Variants in GGA3 observed in about 807,000 individuals in gnomAD.
The protein encoded by GGA3 is golgi associated, gamma adaptin ear containing, ARF binding protein 3, also known as ADP-ribosylation factor-binding protein GGA3.
In GGA3, 57 loss-of-function variants were observed where a neutral mutation model predicts 77.5. That is an observed-to-expected ratio of 0.74 (90% confidence interval 0.59 to 0.92). The LOEUF (loss-of-function observed/expected upper bound fraction) is 0.92, where lower values mean the gene tolerates loss of function less well. Ranked by LOEUF, GGA3 falls within the 40% of genes least tolerant of loss-of-function variation. The probability of loss-of-function intolerance (pLI) is 0.00; values close to 1 mark genes in which losing one functional copy is unlikely to be tolerated. For synonymous variants in GGA3, 416 were observed against 383.7 expected (o/e 1.08, Z -0.98); for missense variants, 970 against 914.9 (o/e 1.06, Z -0.78).
chr17:75,244,712 C>T lies in GGA3; in HGVS notation c.207G>A (p.Leu69=), dbSNP rs1358520897. The change falls in exon 4 of 17, where the codon CTG becomes CTA. Residue 69 remains leucine (L), a synonymous_variant. Coordinates refer to ENST00000537686, the MANE Select transcript of GGA3 (RefSeq NM_138619.4). ...TCCCACAGTTCTTCATGCATGCCTC[C>T]AGCACCTGTAGCCGCACAGAGGAGA... is the stretch of plus-strand genomic sequence containing the variant. ...EWEALQALTV[L]EACMKNCGRR... 1.9e-6 allele frequency: 3 copies of T among 1,612,148 alleles called. No homozygotes were observed. Among genetic ancestry groups the T allele is most frequent in the Non-Finnish European group, 1.7e-6 (2 of 1,178,326 alleles).
chr17:75,261,579 C>T lies in GGA3; in HGVS notation c.9G>A (p.Glu3=), dbSNP rs768296895. Residue 3 remains glutamate (E), a synonymous_variant, in exon 1 of 17, where the codon GAG becomes GAA. Coordinates refer to ENST00000537686, the MANE Select transcript of GGA3 (RefSeq NM_138619.4). ...AGGACTCCAGGCTTTCCCCTTCCGCCTCCGCCATATTGCAGCCGCCCGGCC... is the reference window on the plus strand; with the variant it reads ...AGGACTCCAGGCTTTCCCCTTCCGCTTCCGCCATATTGCAGCCGCCCGGCC... MA[E]AEGESLESWL... 1 of 1,554,594 alleles carries T rather than the reference C, an allele frequency of 6.4e-7. No individual in the cohort carries two copies. The highest frequency in any genetic ancestry group is 8.7e-7 in the Non-Finnish European group (1 of 1,152,972).
intron 4 of GGA3, among the ~76,000 whole-genome samples, chr17:75,243,819 C>A (rs1314796003): frequency 6.6e-6 from 1 of 152,050 alleles, no homozygotes; most frequent in East Asian, 1.9e-4. Flanking sequence ...CAGGAAGTGT[C>A]CTGTAAGTGT....
Position 75,241,808 on chromosome 17 carries a change from A to G in GGA3, c.748-112T>C, listed in dbSNP as rs2076569850. ...CGGGATATGCCAATTGCCACGGTCA[A>G]TTACCAGCAAAGCTGGGATCACAGC... is the stretch of plus-strand genomic sequence containing the variant. On this transcript the variant is annotated intron_variant, in intron 8 of 16. Transcript: ENST00000537686. The G allele has an allele frequency of 7.9e-6, 7 of 885,562 alleles. No homozygotes were observed. The Admixed American group carries it at 9.0e-5, about 11-fold the overall frequency. The allele number at this position is 885,562 out of a possible 1,614,324, so 54.9% of individuals were successfully genotyped here.
chr17:75,257,549 C>T (rs1477756601), intron 1 of GGA3, among the ~76,000 whole-genome samples: 1 of 152,180 alleles, frequency 6.6e-6, no homozygotes, highest in Admixed American at 6.5e-5. Context: ...CCTCCCAATT[C>T]TTAGACCTTT....
intron 1 of GGA3, among the ~76,000 whole-genome samples, chr17:75,254,501 G>A (rs867215265): frequency 2.0e-5 from 3 of 152,150 alleles, no homozygotes; most frequent in South Asian, 2.1e-4. Flanking sequence ...TTCATGGCTC[G>A]TTCGGCAGCA....
rs1021504858 is a variant in GGA3 at position 75,243,440 on chromosome 17, C to T, written c.424+7G>A. On this transcript the variant is annotated splice_region_variant and intron_variant, in intron 5 of 16. Coordinates refer to ENST00000537686, the MANE Select transcript of GGA3 (RefSeq NM_138619.4). The stretch of plus-strand genomic sequence containing the variant: ...TGCCTGGAGGCTGCGGGCAGGCAGA[C>T]ACGTACCCTGTCTCTTCAGCATGTG... 7 of 1,614,008 alleles carry T rather than the reference C, an allele frequency of 4.3e-6. No individual in the cohort carries two copies. The highest frequency in any genetic ancestry group is 5.9e-6 in the Non-Finnish European group (7 of 1,180,030).
At chr17:75,242,222 A>C in intron 8 of GGA3, 114 bp downstream of exon 8, 1 of 1,110,144 alleles carries the variant, frequency 9.0e-7, no homozygotes, top group Non-Finnish European at 1.3e-6. Flanking sequence ...TCATGAATAC[A>C]CTGCCAAGTG....
intron 1 of GGA3, among the ~76,000 whole-genome samples, chr17:75,249,743 C>T (rs1019862024): frequency 6.6e-6 from 1 of 152,198 alleles, no homozygotes; most frequent in Non-Finnish European, 1.5e-5. Flanking sequence ...CACTCACTTT[C>T]ACTTTTTGCA....
At chr17:75,248,823 A>AC (rs770478091) in intron 1 of GGA3, 459,833 of 847,198 alleles carry the variant, frequency 0.54, 121,314 homozygotes, top group Admixed American at 0.57. Context: ...AAACAAAACA[A>AC]AAAAAAAAAA....
chr17:75,248,807 C>CA (rs757444669), intron 1 of GGA3: 30 of 240,086 alleles, frequency 1.2e-4, no homozygotes, highest in African/African-American at 6.3e-4. Context: ...AAAACAAAAA[C>CA]AAAAAAAACA....
chr17:75,244,311 C>T (rs1188596809), intron 4 of GGA3: 2 of 292,650 alleles, frequency 6.8e-6, no homozygotes, highest in African/African-American at 4.4e-5. Context: ...AGAAAACCCA[C>T]AAAACCCACA....
Position 75,237,326 on chromosome 17 carries a change from C to A in GGA3, c.*953G>T, listed in dbSNP as rs894164803. ...ATATGTCTAGTGTAACATTTGTGAT[C>A]CTGAGGCCTCCTGTGTCCAGCCACA... On this transcript the variant is annotated 3_prime_UTR_variant, in exon 17 of 17. Transcript: ENST00000537686. 8 of 689,722 alleles carry A rather than the reference C, an allele frequency of 1.2e-5. No homozygotes were observed. In the African/African-American group the frequency reaches 1.2e-4, roughly 11 times the overall value. 42.7% of individuals were successfully genotyped at this position (689,722 alleles called of 1,614,324 possible).
chr17:75,241,945 G>T, intron 8 of GGA3: 1 of 570,680 alleles, frequency 1.8e-6, no homozygotes, highest in South Asian at 2.0e-5. Context: ...CTGCCTTCCA[G>T]GCTGGCATGT....
At chr17:75,259,545 C>T (rs996404610) in intron 1 of GGA3, among the ~76,000 whole-genome samples, 3 of 152,028 alleles carry the variant, frequency 2.0e-5, no homozygotes, top group Non-Finnish European at 4.4e-5. Context: ...GAGAAAAAGG[C>T]CTGGAACAAC....
At chr17:75,251,424 T>C (rs946051289) in intron 1 of GGA3, among the ~76,000 whole-genome samples, 30 of 151,950 alleles carry the variant, frequency 2.0e-4, no homozygotes, top group Non-Finnish European at 3.5e-4. Context: ...AACAAATGTA[T>C]GGCCCAGGCA....
chr17:75,254,002 A>G (rs574895552), intron 1 of GGA3, among the ~76,000 whole-genome samples: 1 of 152,252 alleles, frequency 6.6e-6, no homozygotes, highest in African/African-American at 2.4e-5. Flanking sequence ...TCTCCATCCT[A>G]TAAGACCTAA....
At chr17:75,261,302 G>A (rs113163917) in intron 1 of GGA3, among the ~76,000 whole-genome samples, 3 of 152,368 alleles carry the variant, frequency 2.0e-5, no homozygotes, top group African/African-American at 7.2e-5. Context: ...TGCCCGACAG[G>A]AGCCCGAGTT....
intron 1 of GGA3, chr17:75,249,064 G>T (rs988147312): frequency 1.1e-6 from 1 of 916,014 alleles, no homozygotes; most frequent in Non-Finnish European, 1.3e-6. Context: ...TATTTATTTT[G>T]AGATTGAGTC....
rs779357581 is a variant in GGA3, at chr17:75,261,570, C to A, written c.18G>T (p.Gly6=). The A allele has an allele frequency of 6.4e-7, 1 of 1,555,944 alleles. No individual in the cohort carries two copies. The highest frequency in any genetic ancestry group is 1.2e-5 in the South Asian group (1 of 84,130). Residue 6 remains glycine (G), a synonymous_variant, in exon 1 of 17, where the codon GGG becomes GGT. Transcript: ENST00000537686. The part of the protein sequence containing the change: MAEAE[G]ESLESWLNKA... The stretch of plus-strand genomic sequence containing the variant: ...CACTGAGCCAGGACTCCAGGCTTTC[C>A]CCTTCCGCCTCCGCCATATTGCAGC...
Sources: gnomAD v4.1 joint callset for allele counts (sites outside exome capture counted in the v4.1 genomes callset) on GRCh38, gnomAD v4.1.1 for gene constraint, MANE v1.5 for transcripts, NCBI Gene and HGNC (gene_info 2026-07-23, HGNC 2026-07-21) for gene names.